Variants in HHAT observed in about 807,000 individuals in gnomAD.
HHAT encodes protein-cysteine N-palmitoyltransferase HHAT.
HHAT carries 47 observed loss-of-function variants against 70.8 expected under a neutral mutation model. That is an observed-to-expected ratio of 0.66 (90% CI 0.53 to 0.85). The LOEUF (loss-of-function observed/expected upper bound fraction) is 0.85. Ranked by LOEUF, HHAT falls within the 40% of genes least tolerant of loss-of-function variation. The pLI is 0.00. For synonymous variants in HHAT, 228 were observed against 247.6 expected (o/e 0.92, Z 0.74); for missense variants, 609 against 604.8 (o/e 1.01, Z -0.07).
chr1:210,570,090 T>C (rs1008535553), intron 9 of HHAT, among the ~76,000 whole-genome samples: 6 of 152,204 alleles, frequency 3.9e-5, no homozygotes, highest in Non-Finnish European at 4.4e-5. Context: ...CCAGGTTATA[T>C]AGGTGCAACC....
chr1:210,588,179 T>A (rs1357333456), intron 10 of HHAT, 80 bp downstream of exon 10: 13 of 1,207,908 alleles, frequency 1.1e-5, no homozygotes, highest in Non-Finnish European at 1.5e-5. Flanking sequence ...GCCATCAGAT[T>A]CCCTGCCCCC....
chr1:210,625,061 G>A (rs149462694), intron 11 of HHAT, among the ~76,000 whole-genome samples: 2 of 152,332 alleles, frequency 1.3e-5, no homozygotes, highest in East Asian at 3.9e-4. Context: ...CCTTGGGTGA[G>A]CCAGGCTCAA....
At chr1:210,559,590 T>C (rs2095603063) in intron 9 of HHAT, among the ~76,000 whole-genome samples, 1 of 152,222 alleles carries the variant, frequency 6.6e-6, no homozygotes, top group Non-Finnish European at 1.5e-5. Context: ...TAAACCTTCA[T>C]CTTTCCGCCA....
chr1:210,630,912 G>A (rs1670734093), intron 11 of HHAT: 1 of 387,610 alleles, frequency 2.6e-6, no homozygotes, highest in South Asian at 2.0e-5. Context: ...CAGAGCTGCA[G>A]GATGGAAACT....
chr1:210,607,844 C>T (rs994167821), intron 10 of HHAT, among the ~76,000 whole-genome samples: 1 of 152,010 alleles, frequency 6.6e-6, no homozygotes, highest in African/African-American at 2.4e-5. Context: ...GGATACCCAC[C>T]CCCTAACAAC....
chr1:210,621,621 A>G (rs555042522), intron 10 of HHAT, among the ~76,000 whole-genome samples: 215 of 152,262 alleles, frequency 1.4e-3, no homozygotes, highest in South Asian at 0.013. Context: ...AGTGCTGAAT[A>G]ATAAGCCTGC....
At chr1:210,491,659 C>T (rs2094554089) in intron 8 of HHAT, among the ~76,000 whole-genome samples, 1 of 152,150 alleles carries the variant, frequency 6.6e-6, no homozygotes, top group Admixed American at 6.5e-5. Flanking sequence ...TATTCTGCTC[C>T]CAGTTTGCTT....
intron 3 of HHAT, among the ~76,000 whole-genome samples, chr1:210,387,184 G>A (rs2091139166): frequency 6.6e-6 from 1 of 152,200 alleles, no homozygotes; most frequent in Non-Finnish European, 1.5e-5. Flanking sequence ...GAGATCAGCT[G>A]TAACAAAGAC....
In HHAT at chr1:210,393,799, T is replaced by C. The variant is rs184919085; in HGVS notation, c.273+6218T>C. ...CTCTCATCCTCTGGGTGACCACGGG[T>C]TTGATTTGTGAGACAGCTGGTGGGC... On this transcript the variant is annotated intron_variant, in intron 4 of 11. Transcript: ENST00000261458. Among the ~76,000 whole-genome samples the C allele has an allele frequency of 1.5e-4, 23 of 152,104 alleles. 1 individual carries two copies. The East Asian group carries it at 4.3e-3, about 28-fold the overall frequency.
chr1:210,556,392 A>C (rs1342136243), intron 9 of HHAT, among the ~76,000 whole-genome samples: 2 of 152,206 alleles, frequency 1.3e-5, no homozygotes, highest in African/African-American at 2.4e-5. Context: ...AGCTGTGGTC[A>C]GTCCTCAGAT....
chr1:210,423,372 T>TA (rs2092962526), intron 7 of HHAT, among the ~76,000 whole-genome samples: 2 of 152,172 alleles, frequency 1.3e-5, no homozygotes, highest in African/African-American at 2.4e-5. Flanking sequence ...TTTGAGAAAA[T>TA]ATCTGTTCAG....
intron 11 of HHAT, among the ~76,000 whole-genome samples, chr1:210,667,700 C>T (rs894612803): frequency 1.1e-4 from 16 of 151,894 alleles, no homozygotes; most frequent in Non-Finnish European, 5.9e-5. Flanking sequence ...CCTGTCGCCG[C>T]CCAGCCCCAG....
At chr1:210,559,209 G>A (rs1558159828) in intron 9 of HHAT, among the ~76,000 whole-genome samples, 2 of 152,172 alleles carry the variant, frequency 1.3e-5, no homozygotes, top group Non-Finnish European at 2.9e-5. Context: ...TTTTAAAATA[G>A]TAATCTAAAA....
chr1:210,633,302 C>T, intron 11 of HHAT, among the ~76,000 whole-genome samples: 1 of 152,232 alleles, frequency 6.6e-6, no homozygotes, highest in Non-Finnish European at 1.5e-5. Context: ...ACTTTGCTGT[C>T]TGGGCATGGG....
intron 4 of HHAT, 26 bp from the exon 5 acceptor site, chr1:210,400,442 C>G (rs2092009044): frequency 2.5e-6 from 4 of 1,574,534 alleles, no homozygotes; most frequent in Non-Finnish European, 3.4e-6. Flanking sequence ...CCCTGTCTCT[C>G]TCTGGATGGG....
chr1:210,546,408 A>G (rs200878300), intron 9 of HHAT, among the ~76,000 whole-genome samples: 2 of 152,366 alleles, frequency 1.3e-5, no homozygotes, highest in East Asian at 3.9e-4. Context: ...TGATTCCACC[A>G]GGCATGGAAG....
chr1:210,673,755 CTTATTTATTATTTATTTATTTAT>C lies in HHAT; in HGVS notation c.1391-523_1391-501del, dbSNP rs1356940257. ...TACAGAAACATGCCACCATGCCTGG[CTTATTTATTATTTATTTATTTAT>C]TTATTTATTTATTTATTTATTTATT... On this transcript the variant is annotated intron_variant, in intron 11 of 11. Transcript: ENST00000261458. Among the ~76,000 whole-genome samples the C allele has an allele frequency of 5.7e-5, 4 of 70,606 alleles. No individual in the cohort carries two copies. The South Asian group carries it at 2.5e-3, about 43-fold the overall frequency. 46.3% of individuals were successfully genotyped at this position (70,606 alleles called of 152,430 possible).
At chr1:210,614,247 G>GT (rs968396084) in intron 10 of HHAT, among the ~76,000 whole-genome samples, 2 of 151,748 alleles carry the variant, frequency 1.3e-5, no homozygotes, top group East Asian at 1.9e-4. Context: ...ATACACAACT[G>GT]TTTTTTTGCA....
chr1:210,401,736 G>A (rs900760528), intron 5 of HHAT, among the ~76,000 whole-genome samples: 1 of 152,202 alleles, frequency 6.6e-6, no homozygotes, highest in African/African-American at 2.4e-5. Flanking sequence ...TTGACCCAGA[G>A]AATTGGTGGA....
Sources: allele counts gnomAD v4.1 joint callset (sites outside exome capture counted in the v4.1 genomes callset), GRCh38; gene constraint gnomAD v4.1.1; transcripts MANE v1.5; gene names NCBI Gene and HGNC (gene_info 2026-07-23, HGNC 2026-07-21).